The following NADK variants were observed in gnomAD, a reference collection of about 807,000 sequenced individuals.
NADK encodes NAD kinase.
Under a neutral mutation model 49.8 loss-of-function variants are expected in NADK, and 22 were observed. That is an observed-to-expected ratio of 0.44 (90% CI 0.32 to 0.63). NADK has a LOEUF of 0.63. NADK is among the 30% of genes least tolerant of loss of function. The probability of loss-of-function intolerance (pLI) is 0.06; values close to 1 mark genes in which losing one functional copy is unlikely to be tolerated. For synonymous variants in NADK, 268 were observed against 253.7 expected, an observed-to-expected ratio of 1.06 and a Z score of -0.54; for missense variants, 438 against 609.4, an observed-to-expected ratio of 0.72 and a Z score of 2.96.
chr1:1,778,590 A>C (rs1282508118), upstream of NADK: 3 of 150,824 alleles, frequency 2.0e-5, no homozygotes, highest in East Asian at 1.9e-4. The surrounding 1 kb of genome is among the most constrained non-coding windows in gnomAD (Gnocchi z 4.9). Flanking sequence ...CGTGGCGGGA[A>C]AGAGGCGGGC....
At chr1:1,764,187 C>A (rs1209614998) in intron 2 of NADK, among the ~76,000 whole-genome samples, 1 of 152,222 alleles carries the variant, frequency 6.6e-6, no homozygotes, top group Non-Finnish European at 1.5e-5. Flanking sequence ...CTGGGTAAGA[C>A]AACATGCTTT....
At chr1:1,772,831 G>A (rs543912115) in intron 1 of NADK, among the ~76,000 whole-genome samples, 1 of 152,084 alleles carries the variant, frequency 6.6e-6, no homozygotes, top group South Asian at 2.1e-4. Flanking sequence ...CCTGAGGTCA[G>A]GAGTTTGAGA....
chr1:1,752,275 C>G lies in NADK; in HGVS notation c.*629G>C, dbSNP rs892955073. 6.6e-6 allele frequency: 1 copy of G among 152,626 alleles called. No homozygotes were observed. Among genetic ancestry groups the G allele is most frequent in the Non-Finnish European group, 1.5e-5 (1 of 68,058 alleles). The allele number at this position is 152,626 out of a possible 1,614,324, so 9.5% of individuals were successfully genotyped here. A position where few individuals can be genotyped will look rare whatever the true frequency, so the allele number is the denominator to read the frequency against. ...GAAGCTACGTGAGGAATGTGTGGGT[C>G]GCTGGCGATGCCAGCCCCCTTCCCG... On this transcript the variant is annotated 3_prime_UTR_variant, in exon 12 of 12. Transcript: ENST00000341426.
At chr1:1,763,080 C>G (rs1424978794) in intron 2 of NADK, among the ~76,000 whole-genome samples, 2 of 152,388 alleles carry the variant, frequency 1.3e-5, no homozygotes, top group East Asian at 1.9e-4. Context: ...TCCGCTGCCT[C>G]GCAGGGCCAG....
chr1:1,767,465 A>C (rs1160494431), intron 1 of NADK, among the ~76,000 whole-genome samples: 1 of 152,174 alleles, frequency 6.6e-6, no homozygotes, highest in Non-Finnish European at 1.5e-5. Flanking sequence ...CAAGCCAATA[A>C]AGCCAGAAAT....
intron 10 of NADK, 144 bp downstream of exon 10, chr1:1,753,907 G>C (rs1350774919): frequency 1.8e-6 from 2 of 1,108,558 alleles, no homozygotes; most frequent in Middle Eastern, 2.3e-4. Flanking sequence ...GCTTGCATCT[G>C]AGGGGGCACA....
In NADK at chr1:1,752,973, G is replaced by A. The variant is rs1265798859; in HGVS notation, c.1272C>T (p.Cys424=). ...VSDWFESLAQ[C]LHWNVRKKQA... ...GCTTCTTCCGGACGTTCCAATGCAG[G>A]CACTGGGCGAGGCTCTCAAACCAGT... Residue 424 remains cysteine, a synonymous_variant, in exon 12 of 12, where the codon TGC becomes TGT. Transcript: ENST00000341426. 2 of 1,601,510 alleles carry A rather than the reference G, an allele frequency of 1.2e-6. No individual in the cohort carries two copies. The highest frequency in any genetic ancestry group is 2.2e-5 in the East Asian group (1 of 44,468).
Position 1,759,788 on chromosome 1 carries a change from G to C in NADK, c.263+2164C>G, listed in dbSNP as rs74046214. ...GGGCAGCTCGGGGACCACTGAGTAC[G>C]CCCTGGTCTGAGGGCTGAGGCAGAA... On this transcript the variant is annotated intron_variant, in intron 3 of 11. Transcript: ENST00000341426. The C allele has an allele frequency of 3.2e-6, 5 of 1,556,162 alleles. No individual in the cohort carries two copies. The East Asian group carries it at 1.2e-4, about 38-fold the overall frequency.
At chr1:1,753,175 G>A (rs559236869) in intron 11 of NADK, 115 bp from the exon 12 acceptor site, 68 of 1,310,882 alleles carry the variant, frequency 5.2e-5, no homozygotes, top group Non-Finnish European at 6.0e-5. Flanking sequence ...CTGTGGGGCC[G>A]GGCAGCCCCT....
chr1:1,758,974 C>A (rs1347113829), intron 3 of NADK: 3 of 1,245,478 alleles, frequency 2.4e-6, no homozygotes, highest in Admixed American at 6.2e-5. Flanking sequence ...TAGCCCGCTG[C>A]GTCACTCTGC....
In NADK at chr1:1,752,861, T is replaced by G; in HGVS notation, c.*43A>C. 1 of 1,591,818 alleles carries G rather than the reference T, an allele frequency of 6.3e-7. No homozygotes were observed. Among genetic ancestry groups the G allele is most frequent in the Non-Finnish European group, 8.6e-7 (1 of 1,166,554 alleles). On this transcript the variant is annotated 3_prime_UTR_variant, in exon 12 of 12. Coordinates refer to ENST00000341426, the MANE Select transcript of NADK (RefSeq NM_023018.5). Reference sequence around the variant, plus strand: ...AGATTGGTCTGTCCCCAGAGGGCGCTTGGAGGGCAGCGGAAGGATTCGGGC... The same window carrying G: ...AGATTGGTCTGTCCCCAGAGGGCGCGTGGAGGGCAGCGGAAGGATTCGGGC...
intron 1 of NADK, among the ~76,000 whole-genome samples, chr1:1,773,715 T>TGAGAGA (rs1289878238): frequency 0.052 from 6,948 of 132,670 alleles, 442 homozygotes; most frequent in Non-Finnish European, 0.078. Context: ...TGTGTGTGTG[T>TGAGAGA]GTGTGTGTGT....
At chr1:1,772,712 A>G (rs748523968) in intron 1 of NADK, among the ~76,000 whole-genome samples, 2 of 151,352 alleles carry the variant, frequency 1.3e-5, no homozygotes, top group Non-Finnish European at 2.9e-5. Flanking sequence ...CCTGGTTTTG[A>G]TATTGTACTA....
chr1:1,761,852 T>A, intron 3 of NADK, 100 bp downstream of exon 3: 4 of 1,035,272 alleles, frequency 3.9e-6, no homozygotes, highest in Non-Finnish European at 6.0e-6. Flanking sequence ...TCCACACACA[T>A]CCCGAGGACT....
At chr1:1,760,980 C>T (rs894949144) in intron 3 of NADK, among the ~76,000 whole-genome samples, 2 of 152,070 alleles carry the variant, frequency 1.3e-5, no homozygotes, top group African/African-American at 2.4e-5. Context: ...CAGGTGTGTG[C>T]AACGATGCCT....
chr1:1,755,343 C>T, intron 7 of NADK, 31 bp downstream of exon 7: 1 of 1,506,460 alleles, frequency 6.6e-7, no homozygotes, highest in Non-Finnish European at 9.2e-7. Flanking sequence ...ATGATCAGAG[C>T]TCCTGTGGGC....
intron 3 of NADK, chr1:1,759,264 C>G: frequency 4.5e-6 from 7 of 1,553,644 alleles, no homozygotes; most frequent in Non-Finnish European, 6.1e-6. Context: ...GGACACCAGC[C>G]CTTGCAGGCA....
intron 3 of NADK, chr1:1,758,450 C>A (rs374787688): frequency 1.9e-6 from 3 of 1,612,184 alleles, no homozygotes; most frequent in African/African-American, 2.7e-5. Flanking sequence ...ATGTGGCTCG[C>A]GAGGTAGCCC....
chr1:1,760,646 G>A (rs1049908534), intron 3 of NADK, among the ~76,000 whole-genome samples: 1 of 152,068 alleles, frequency 6.6e-6, no homozygotes, highest in African/African-American at 2.4e-5. Flanking sequence ...CTTGCAGAAA[G>A]TGAAGCATCC....
Sources: allele counts gnomAD v4.1 joint callset (sites outside exome capture counted in the v4.1 genomes callset), GRCh38; gene constraint gnomAD v4.1.1; non-coding constraint Gnocchi (gnomAD v3.1); transcripts MANE v1.5; gene names NCBI Gene and HGNC (gene_info 2026-07-23, HGNC 2026-07-21).